The following CEP112 variants were observed in gnomAD, a reference collection of about 807,000 sequenced individuals.
The protein encoded by CEP112 is centrosomal protein 112.
CEP112 carries 127 observed loss-of-function variants against 153.0 expected under a neutral mutation model. The observed-to-expected ratio is 0.83, with a 90% CI of 0.72 to 0.96. CEP112 has a LOEUF of 0.96. Among genes scored for constraint, CEP112 ranks in the 40% least tolerant of loss-of-function variants. The pLI is 0.00. For missense variants in CEP112, 1,089 were observed against 1,101.2 expected (o/e 0.99, Z 0.16); for synonymous variants, 358 against 374.4 (o/e 0.96, Z 0.51).
intron 17 of CEP112, among the ~76,000 whole-genome samples, chr17:65,970,365 TACATGCACACATCATGCATA>T: frequency 6.7e-6 from 1 of 149,322 alleles, no homozygotes; most frequent in East Asian, 2.0e-4. Flanking sequence ...GTGCCTATAT[TACATGCACACATCATGCATA>T]TATATTACAT....
chr17:65,916,489 TAAAG>T (rs2060496860), intron 19 of CEP112, among the ~76,000 whole-genome samples: 1 of 152,086 alleles, frequency 6.6e-6, no homozygotes, highest in African/African-American at 2.4e-5. Flanking sequence ...TTAATGTACT[TAAAG>T]AAGGAATAAT....
At chr17:66,074,873 G>GAAAAAAAAAAAAAA (rs1242846957) in intron 8 of CEP112, among the ~76,000 whole-genome samples, 6 of 91,262 alleles carry the variant, frequency 6.6e-5, no homozygotes, top group East Asian at 3.6e-4. Context: ...AAAAAAAAAA[G>GAAAAAAAAAAAAAA]AAAAAAAAAA....
At chr17:65,874,904 T>TA (rs926758782) in intron 20 of CEP112, among the ~76,000 whole-genome samples, 2 of 152,124 alleles carry the variant, frequency 1.3e-5, no homozygotes, top group African/African-American at 4.8e-5. Flanking sequence ...CAATCTTTGT[T>TA]AAAGTATCTA....
At chr17:65,941,912 T>C (rs571990830) in intron 18 of CEP112, among the ~76,000 whole-genome samples, 1 of 152,240 alleles carries the variant, frequency 6.6e-6, no homozygotes, top group East Asian at 1.9e-4. Context: ...GTCTTCCAAG[T>C]AGCTGGGATT....
Position 66,183,210 on chromosome 17 carries a change from T to A in CEP112, c.90A>T (p.Lys30Asn), listed in dbSNP as rs1298146717. Residue 30 changes from lysine (K) to asparagine (N), a missense_variant, in exon 2 of 27, where the codon AAA becomes AAT. Transcript: ENST00000535342. ...TAATCTTACCTGTCCTATGAGGTAA[T>A]TTTAGAACAAAGGGCTTCATATCAA... The part of the protein sequence containing the change: ...FVVDMKPFVL[K>N]LPHRTERQRC... 4 of 1,604,124 alleles carry A rather than the reference T, an allele frequency of 2.5e-6. No individual in the cohort carries two copies. The highest frequency in any genetic ancestry group is 1.3e-5 in the African/African-American group (1 of 74,734).
intron 23 of CEP112, among the ~76,000 whole-genome samples, chr17:65,736,358 T>C (rs529247345): frequency 2.0e-5 from 3 of 152,218 alleles, no homozygotes; most frequent in Admixed American, 6.5e-5. Context: ...GGAAGATTAA[T>C]TCAGTTTATG....
At chr17:65,705,784 G>C (rs1460206742) in intron 23 of CEP112, among the ~76,000 whole-genome samples, 1 of 152,190 alleles carries the variant, frequency 6.6e-6, no homozygotes, top group Non-Finnish European at 1.5e-5. Context: ...TCCTGATTCA[G>C]ACAAATCAAC....
At chr17:65,642,003 G>T (rs1420635736) in intron 24 of CEP112, among the ~76,000 whole-genome samples, 16 of 152,194 alleles carry the variant, frequency 1.1e-4, no homozygotes, top group Admixed American at 1.0e-3. Context: ...AAATAGGTTG[G>T]TGGCTCATCC....
intron 21 of CEP112, among the ~76,000 whole-genome samples, chr17:65,784,320 T>G (rs2054156982): frequency 6.6e-6 from 1 of 152,194 alleles, no homozygotes; most frequent in South Asian, 2.1e-4. Context: ...AGGGTCAGAC[T>G]GTTAGAAAAG....
At chr17:65,966,668 T>C (rs2062426359) in intron 17 of CEP112, among the ~76,000 whole-genome samples, 1 of 152,196 alleles carries the variant, frequency 6.6e-6, no homozygotes, top group Non-Finnish European at 1.5e-5. Flanking sequence ...CTGATTAAAT[T>C]GAATGACTCA....
intron 8 of CEP112, among the ~76,000 whole-genome samples, chr17:66,090,308 G>A (rs1200670076): frequency 1.3e-5 from 2 of 151,612 alleles, no homozygotes; most frequent in Non-Finnish European, 2.9e-5. Flanking sequence ...ATAATGTTGT[G>A]GAAATGACTT....
intron 19 of CEP112, among the ~76,000 whole-genome samples, chr17:65,905,810 T>C (rs1196468052): frequency 1.3e-5 from 2 of 151,560 alleles, no homozygotes; most frequent in Non-Finnish European, 3.0e-5. Flanking sequence ...CCAGGTGTAG[T>C]GGTGGATGCC....
rs184769328 is a variant in CEP112, at chr17:65,780,405, G to T, written c.2395-29681C>A. Among the ~76,000 whole-genome samples the T allele has an allele frequency of 1.6e-3, 246 of 152,098 alleles. 1 individual carries two copies. Among genetic ancestry groups the T allele is most frequent in the African/African-American group, 5.7e-3 (237 of 41,520 alleles). On this transcript the variant is annotated intron_variant, in intron 21 of 26. Transcript: ENST00000535342. The stretch of plus-strand genomic sequence containing the variant: ...AAACTGAAACTCATTTATTACTTGG[G>T]CTGAAATACAAACTTTAAGAGAATG...
rs9906717 is a variant in CEP112 at position 65,844,891 on chromosome 17, C to G, written c.2394+6913G>C. Among the ~76,000 whole-genome samples the G allele has an allele frequency of 3.2e-3, 478 of 151,098 alleles. 3 individuals are homozygous for G. The highest frequency in any genetic ancestry group is 0.011 in the African/African-American group (454 of 41,118). On this transcript the variant is annotated intron_variant, in intron 21 of 26. Transcript: ENST00000535342. ...TAGCCGGGCATGGTGGCGCCCATCT[C>G]TAGTCCCAGCTACTAGGGAGGCTGA... is the stretch of plus-strand genomic sequence containing the variant.
At chr17:65,876,813 A>G (rs1285635204) in intron 20 of CEP112, among the ~76,000 whole-genome samples, 1 of 152,030 alleles carries the variant, frequency 6.6e-6, no homozygotes, top group Non-Finnish European at 1.5e-5. Context: ...AAAAAAATTT[A>G]ATTTCTAAGA....
intron 17 of CEP112, among the ~76,000 whole-genome samples, chr17:65,971,183 G>GCACATGTACAT (rs2062765109): frequency 1.6e-5 from 2 of 124,924 alleles, no homozygotes; most frequent in South Asian, 5.8e-4. Context: ...CACATGTACA[G>GCACATGTACAT]CACATGCATA....
At chr17:65,960,957 T>A (rs2062177113) in intron 18 of CEP112, among the ~76,000 whole-genome samples, 1 of 152,116 alleles carries the variant, frequency 6.6e-6, no homozygotes, top group Non-Finnish European at 1.5e-5. Context: ...TACCCAGGTG[T>A]TTGTAATAAT....
intron 6 of CEP112, among the ~76,000 whole-genome samples, chr17:66,125,962 G>T (rs982072153): frequency 1.3e-5 from 2 of 152,014 alleles, no homozygotes; most frequent in African/African-American, 4.8e-5. Flanking sequence ...ATGATTTTTA[G>T]TGCTAAATTT....
At chr17:65,775,096 C>T (rs1277738215) in intron 21 of CEP112, among the ~76,000 whole-genome samples, 1 of 152,104 alleles carries the variant, frequency 6.6e-6, no homozygotes, top group Non-Finnish European at 1.5e-5. Flanking sequence ...AAGACTCCCT[C>T]CTCCCAAGCT....
Sources: allele counts gnomAD v4.1 joint callset (sites outside exome capture counted in the v4.1 genomes callset), GRCh38; gene constraint gnomAD v4.1.1; transcripts MANE v1.5; gene names NCBI Gene and HGNC (gene_info 2026-07-23, HGNC 2026-07-21).